IRAG1: variants seen among roughly 807,000 people sequenced by gnomAD.
IRAG1 encodes inositol 1,4,5-triphosphate receptor associated 1, also known as IP3R-associated cGMP kinase substrate.
IRAG1 carries 62 observed loss-of-function variants against 106.2 expected under a neutral mutation model. The ratio of observed to expected loss-of-function variants is 0.58; its 90% CI spans 0.48 to 0.72. The LOEUF is 0.72. IRAG1 is among the 30% of genes least tolerant of loss of function. The probability of loss-of-function intolerance (pLI) is 0.00; values close to 1 mark genes in which losing one functional copy is unlikely to be tolerated. For missense variants in IRAG1, 1,064 were observed against 1,140.7 expected (o/e 0.93, Z 0.97); for synonymous variants, 462 against 443.9 (o/e 1.04, Z -0.51).
intron 18 of IRAG1, among the ~76,000 whole-genome samples, 172 bp downstream of exon 18, chr11:10,591,376 A>G (rs548329736): frequency 6.6e-6 from 1 of 152,296 alleles, no homozygotes; most frequent in East Asian, 1.9e-4. Flanking sequence ...TGGTTCAAGA[A>G]TTTTGCAAAC....
intron 14 of IRAG1, among the ~76,000 whole-genome samples, chr11:10,602,116 G>A (rs4482022): frequency 0.073 from 11,079 of 152,288 alleles, 447 homozygotes; most frequent in Admixed American, 0.13. Flanking sequence ...GAGTCCTCCC[G>A]TGTTGCTGCT....
At chr11:10,651,217 T>C (rs554273482) in intron 2 of IRAG1, among the ~76,000 whole-genome samples, 22 of 152,158 alleles carry the variant, frequency 1.4e-4, no homozygotes, top group Non-Finnish European at 1.9e-4. Flanking sequence ...GTGAAGAAAA[T>C]ACGACGAGGA....
rs369117628 is a variant in IRAG1 at position 10,629,707 on chromosome 11, G to A, written c.405C>T (p.Pro135=). ...TCACCAGGTCAATGATGTGCCCCGC[G>A]GGGTCTGCAGAAGGAGGATGAGCTG... is the stretch of plus-strand genomic sequence containing the variant. ...VSTASLTSVD[P]AGHIIDLVND... Residue 135 remains proline (P), a synonymous_variant, in exon 5 of 21, where the codon CCC becomes CCT. Coordinates refer to ENST00000423302, the MANE Select transcript of IRAG1 (RefSeq NM_130385.4). The A allele has an allele frequency of 3.7e-5, 59 of 1,612,832 alleles. No individual in the cohort carries two copies. The highest frequency in any genetic ancestry group is 4.5e-5 in the Non-Finnish European group (53 of 1,179,444).
intron 20 of IRAG1, among the ~76,000 whole-genome samples, chr11:10,577,696 A>G (rs928623863): frequency 6.6e-6 from 1 of 152,198 alleles, no homozygotes; most frequent in African/African-American, 2.4e-5. Flanking sequence ...CAGAAAATGC[A>G]TGACTAACAA....
intron 2 of IRAG1, among the ~76,000 whole-genome samples, chr11:10,640,361 A>G (rs1279099416): frequency 6.6e-6 from 1 of 152,244 alleles, no homozygotes; most frequent in South Asian, 2.1e-4. Context: ...GATTAGGAGG[A>G]AATCCTCTAA....
intron 3 of IRAG1, among the ~76,000 whole-genome samples, chr11:10,633,335 A>G (rs1856887058): frequency 6.6e-6 from 1 of 152,154 alleles, no homozygotes; most frequent in Non-Finnish European, 1.5e-5. Flanking sequence ...TTGGCCTCCC[A>G]AAGTGCTAGG....
intron 10 of IRAG1, among the ~76,000 whole-genome samples, chr11:10,619,773 C>G (rs1444029424): frequency 6.6e-6 from 1 of 152,196 alleles, no homozygotes. Flanking sequence ...GAATTAGAAC[C>G]TTGACCAAGG....
intron 15 of IRAG1, among the ~76,000 whole-genome samples, chr11:10,595,490 T>C (rs1252531480): frequency 1.3e-5 from 2 of 152,206 alleles, no homozygotes. Context: ...AAGCTCTCTA[T>C]TCTTTTCTTG....
At chr11:10,692,937 T>C (rs754747848) in intron 1 of IRAG1, among the ~76,000 whole-genome samples, 1 of 152,050 alleles carries the variant, frequency 6.6e-6, no homozygotes, top group Non-Finnish European at 1.5e-5. Flanking sequence ...GCCGGGCACA[T>C]ACACCCCCTC....
intron 15 of IRAG1, among the ~76,000 whole-genome samples, chr11:10,598,504 AT>A (rs1263924903): frequency 6.6e-6 from 1 of 152,220 alleles, no homozygotes; most frequent in Non-Finnish European, 1.5e-5. Context: ...TAAATACAGA[AT>A]TTTTAAAAGC....
In IRAG1 at chr11:10,628,783, C is replaced by T. The variant is rs750289136; in HGVS notation, c.620G>A (p.Arg207Gln). The T allele has an allele frequency of 2.2e-5, 34 of 1,558,326 alleles. No homozygotes were observed. The highest frequency in any genetic ancestry group is 2.5e-5 in the Non-Finnish European group (29 of 1,157,350). Residue 207 changes from arginine to glutamine, a missense_variant, in exon 6 of 21, where the codon CGG (arginine) becomes CAG (glutamine). Transcript: ENST00000423302. This position sits in a 1 kb window ranked among gnomAD's most constrained non-coding sequence, Gnocchi z 4.1. ...GGTGGGGACTGTAAGTGAGTTGCTC[C>T]GAGAGGATGTAGGAGAAGCGCTGGG... ...LSPSASPTSS[R>Q]SNSLTVPTPP...
chr11:10,632,182 C>G (rs3741032), intron 3 of IRAG1, 121 bp from the exon 4 acceptor site: 300,476 of 677,734 alleles, frequency 0.44, 70,979 homozygotes, highest in East Asian at 0.69. Flanking sequence ...TTCTTTCCTT[C>G]TTTCTTTCTT....
chr11:10,631,948 C>G, intron 4 of IRAG1, 43 bp downstream of exon 4: 2 of 1,563,444 alleles, frequency 1.3e-6, no homozygotes, highest in Non-Finnish European at 1.8e-6. Flanking sequence ...GCTGCCAGAC[C>G]TGTCTTTCTA....
In IRAG1 at chr11:10,628,725, G is replaced by A. The variant is rs116342072; in HGVS notation, c.652+26C>T. On this transcript the variant is annotated intron_variant, in intron 6 of 20. Coordinates refer to ENST00000423302, the MANE Select transcript of IRAG1 (RefSeq NM_130385.4). This position sits in a 1 kb window ranked among gnomAD's most constrained non-coding sequence, Gnocchi z 4.1. ...CCACCCAGAGCGAGAGGCAGGGCAG[G>A]AAGTCCCCGGGCAGCTGGGCCTCAC... The A allele has an allele frequency of 1.7e-3, 2,498 of 1,509,076 alleles. 35 individuals carry two copies. The African/African-American group carries it at 0.03, about 18-fold the overall frequency. 93.5% of individuals were successfully genotyped at this position (1,509,076 alleles called of 1,614,324 possible). A position where few individuals can be genotyped will look rare whatever the true frequency, so the allele number is the denominator to read the frequency against.
intron 10 of IRAG1, among the ~76,000 whole-genome samples, chr11:10,612,162 C>T (rs888253824): frequency 6.6e-6 from 1 of 152,132 alleles, no homozygotes; most frequent in African/African-American, 2.4e-5. Flanking sequence ...TTGGATTTGC[C>T]GTTTTTTCCT....
At chr11:10,593,462 G>A in intron 17 of IRAG1, 30 bp downstream of exon 17, 1 of 1,580,848 alleles carries the variant, frequency 6.3e-7, no homozygotes, top group Non-Finnish European at 8.7e-7. Flanking sequence ...CTACTATTCT[G>A]TGCTGGGAGG....
At chr11:10,617,339 C>A (rs2134470349) in intron 10 of IRAG1, 1 of 237,712 alleles carries the variant, frequency 4.2e-6, no homozygotes, top group South Asian at 1.6e-4. Context: ...CCCACAAATA[C>A]AGAAGGAGCA....
intron 2 of IRAG1, among the ~76,000 whole-genome samples, chr11:10,637,893 G>A (rs776581501): frequency 2.6e-5 from 4 of 152,218 alleles, no homozygotes; most frequent in Non-Finnish European, 4.4e-5. Flanking sequence ...GCCAGGGGCA[G>A]GTGCCAAGCT....
At position 10,672,831 on chromosome 11, in the gene IRAG1, G is replaced by A. The variant is rs116287710; in HGVS notation, c.68-20649C>T. On this transcript the variant is annotated intron_variant, in intron 1 of 20. Coordinates refer to ENST00000423302, the MANE Select transcript of IRAG1 (RefSeq NM_130385.4). ...AATTCTTCTAGATATGTACCCAAGA[G>A]AAATGAAAATGTATATCCACATAAA... Among the ~76,000 whole-genome samples the A allele has an allele frequency of 5.7e-3, 867 of 152,162 alleles. 13 individuals are homozygous for A. The highest frequency in any genetic ancestry group is 0.02 in the African/African-American group (812 of 41,492).
Sources: gnomAD v4.1 joint callset for allele counts (sites outside exome capture counted in the v4.1 genomes callset) on GRCh38, gnomAD v4.1.1 for gene constraint, Gnocchi (gnomAD v3.1) non-coding constraint, MANE v1.5 for transcripts, NCBI Gene and HGNC (gene_info 2026-07-23, HGNC 2026-07-21) for gene names.